EPHA6: variants seen among roughly 807,000 people sequenced by gnomAD.
EPHA6 encodes the protein ephrin type-A receptor 6.
Under a neutral mutation model 112.0 loss-of-function variants are expected in EPHA6, and 50 were observed. That is an observed-to-expected ratio of 0.45 (90% CI 0.36 to 0.56). The LOEUF (loss-of-function observed/expected upper bound fraction) is 0.56. Among genes scored for constraint, EPHA6 ranks in the 20% least tolerant of loss-of-function variants. The pLI is 0.00. For missense variants in EPHA6, 1,280 were observed against 1,417.4 expected, an observed-to-expected ratio of 0.90 and a Z score of 1.56; for synonymous variants, 529 against 490.7, an observed-to-expected ratio of 1.08 and a Z score of -1.03.
chr3:96,950,483 A>G (rs1017895701), intron 2 of EPHA6, among the ~76,000 whole-genome samples: 3 of 152,140 alleles, frequency 2.0e-5, no homozygotes, highest in Non-Finnish European at 4.4e-5. Flanking sequence ...GAAGTCAGGA[A>G]CTGTGTCTTT....
At chr3:97,065,080 G>C (rs2046136217) in intron 3 of EPHA6, among the ~76,000 whole-genome samples, 1 of 152,046 alleles carries the variant, frequency 6.6e-6, no homozygotes, top group Non-Finnish European at 1.5e-5. Flanking sequence ...AATACCTTAA[G>C]CTGTGACTGT....
chr3:97,187,759 A>G (rs2108470431), intron 3 of EPHA6, among the ~76,000 whole-genome samples: 1 of 152,156 alleles, frequency 6.6e-6, no homozygotes, highest in East Asian at 1.9e-4. Context: ...AAAGAAAGAA[A>G]GAAAAATGCC....
At chr3:96,854,149 A>G (rs2035555710) in intron 1 of EPHA6, among the ~76,000 whole-genome samples, 1 of 150,012 alleles carries the variant, frequency 6.7e-6, no homozygotes, top group South Asian at 2.1e-4. Context: ...AAAAAGATAT[A>G]TAGAATACTT....
chr3:97,249,707 G>A (rs747508904), intron 5 of EPHA6, among the ~76,000 whole-genome samples: 4 of 152,166 alleles, frequency 2.6e-5, no homozygotes, highest in Admixed American at 1.3e-4. Flanking sequence ...GGGCATGAAT[G>A]ATGTGTTATT....
chr3:97,363,382 T>C (rs1480438817), intron 5 of EPHA6, among the ~76,000 whole-genome samples: 2 of 151,002 alleles, frequency 1.3e-5, no homozygotes, highest in Non-Finnish European at 1.5e-5. Context: ...GCCTGCAAAT[T>C]TGAGTACCAG....
chr3:96,866,777 G>A (rs776287096), intron 1 of EPHA6, 48 bp from the exon 2 acceptor site: 1 of 952,618 alleles, frequency 1.0e-6, no homozygotes. Context: ...ATATATTTTT[G>A]CATTAGTTGA....
intron 11 of EPHA6, 115 bp downstream of exon 11, chr3:97,532,658 G>C (rs2092708659): frequency 2.4e-6 from 2 of 841,742 alleles, no homozygotes; most frequent in Non-Finnish European, 1.8e-6. Context: ...ACTTAGTTCA[G>C]ATATCATCAC....
chr3:97,571,373 TA>T (rs74488218), intron 11 of EPHA6, among the ~76,000 whole-genome samples: 3,310 of 142,052 alleles, frequency 0.023, 67 homozygotes, highest in African/African-American at 0.061. Context: ...AAACCCTCCT[TA>T]AAAAAAAAAA....
At chr3:96,957,119 T>C (rs1351612983) in intron 2 of EPHA6, among the ~76,000 whole-genome samples, 1 of 151,872 alleles carries the variant, frequency 6.6e-6, no homozygotes, top group Non-Finnish European at 1.5e-5. Flanking sequence ...ACTGAAAGTA[T>C]ATTGAACAAA....
At chr3:97,382,234 A>T (rs927421651) in intron 5 of EPHA6, among the ~76,000 whole-genome samples, 1 of 152,072 alleles carries the variant, frequency 6.6e-6, no homozygotes, top group Non-Finnish European at 1.5e-5. Flanking sequence ...TAGCAAGTTC[A>T]TGGAAATGTT....
At chr3:97,490,896 C>T (rs1249100285) in intron 10 of EPHA6, among the ~76,000 whole-genome samples, 2 of 152,132 alleles carry the variant, frequency 1.3e-5, no homozygotes, top group Admixed American at 1.3e-4. Context: ...GGATCCACAT[C>T]CAAACTTATT....
intron 14 of EPHA6, among the ~76,000 whole-genome samples, chr3:97,684,806 G>A (rs1318851905): frequency 1.3e-5 from 2 of 152,168 alleles, no homozygotes; most frequent in African/African-American, 4.8e-5. Context: ...TCAATCATCA[G>A]ATACGTAAAA....
chr3:96,825,795 A>G (rs2033620259), intron 1 of EPHA6, among the ~76,000 whole-genome samples: 2 of 151,904 alleles, frequency 1.3e-5, no homozygotes, highest in Non-Finnish European at 2.9e-5. Flanking sequence ...CTATCAATCT[A>G]GTTTCTGTAT....
intron 14 of EPHA6, among the ~76,000 whole-genome samples, chr3:97,681,864 G>A (rs1420123889): frequency 6.6e-6 from 1 of 152,056 alleles, no homozygotes; most frequent in African/African-American, 2.4e-5. Flanking sequence ...GAGGGATGAA[G>A]GGGAGCTAAC....
intron 3 of EPHA6, among the ~76,000 whole-genome samples, chr3:97,222,961 G>C (rs1271331674): frequency 1.3e-5 from 2 of 152,196 alleles, no homozygotes; most frequent in African/African-American, 2.4e-5. Context: ...TGAAAGATAA[G>C]TGAATCACAG....
At chr3:97,689,645 T>A (rs2032515204) in intron 14 of EPHA6, among the ~76,000 whole-genome samples, 1 of 152,208 alleles carries the variant, frequency 6.6e-6, no homozygotes, top group Non-Finnish European at 1.5e-5. Context: ...AATTAAGATA[T>A]TATTTACATA....
In EPHA6 at chr3:97,750,569, C is replaced by G. The variant is rs1002863127; in HGVS notation, c.*1868C>G. ...ACGGGGTTTCACCATGTTGGCCAGG[C>G]TGCTCGAACTCCTGACCTCAGATGA... On this transcript the variant is annotated 3_prime_UTR_variant, in exon 18 of 18. Coordinates refer to ENST00000389672, the MANE Select transcript of EPHA6 (RefSeq NM_001080448.3). 6.6e-6 allele frequency among the ~76,000 whole-genome samples: 1 copy of G among 152,026 alleles called. No individual in the cohort carries two copies. Among genetic ancestry groups the G allele is most frequent in the African/African-American group, 2.4e-5 (1 of 41,404 alleles).
chr3:97,747,502 G>C lies in EPHA6; in HGVS notation c.3208G>C (p.Gly1070Arg), dbSNP rs746144793. The C allele has an allele frequency of 2.0e-5, 32 of 1,610,054 alleles. No individual in the cohort carries two copies. The highest frequency in any genetic ancestry group is 2.6e-5 in the Non-Finnish European group (31 of 1,178,012). ...TGACTGGCTAGATTCTATAAAGATGGGGCAATACAAGAATAACTTCGTGGC... is the reference window on the plus strand; with the variant it reads ...TGACTGGCTAGATTCTATAAAGATGCGGCAATACAAGAATAACTTCGTGGC... ...VGDWLDSIKM[G>R]QYKNNFVAAG... Residue 1070 changes from glycine to arginine, a missense_variant, in exon 17 of 18, where the codon GGG becomes CGG. Gly to Arg is a moderately radical substitution (Grantham distance 125). Coordinates refer to ENST00000389672, the MANE Select transcript of EPHA6 (RefSeq NM_001080448.3).
chr3:96,947,177 G>T (rs1176256123), intron 2 of EPHA6, among the ~76,000 whole-genome samples: 5 of 152,000 alleles, frequency 3.3e-5, no homozygotes, highest in African/African-American at 4.8e-5. Context: ...AGAACCTCTT[G>T]AGTTTAATTA....
Sources: allele counts gnomAD v4.1 joint callset (sites outside exome capture counted in the v4.1 genomes callset), GRCh38; gene constraint gnomAD v4.1.1; transcripts MANE v1.5; gene names NCBI Gene and HGNC (gene_info 2026-07-23, HGNC 2026-07-21).